Variants in DMD observed in about 807,000 individuals in gnomAD.
DMD encodes mutant dystrophin.
In DMD, 63 loss-of-function variants were observed where a neutral mutation model predicts 330.1. The observed-to-expected ratio is 0.19, with a 90% confidence interval of 0.16 to 0.24. The LOEUF is 0.24. Ranked by LOEUF, DMD falls within the 10% of genes least tolerant of loss-of-function variation. The pLI is 1.00. For missense variants in DMD, 3,344 were observed against 2,684.1 expected, an observed-to-expected ratio of 1.25 and a Z score of -5.43; for synonymous variants, 1,223 against 959.8, an observed-to-expected ratio of 1.27 and a Z score of -5.07.
intron 57 of DMD, among the ~76,000 whole-genome samples, chrX:31,494,498 G>C (rs951536465): frequency 3.6e-5 from 4 of 111,629 alleles, no homozygotes; most frequent in African/African-American, 1.3e-4. Context: ...TGAAATTCAC[G>C]AAAGGTTAAC....
Position 32,411,868 on chromosome X carries a change from G to T in DMD, c.4117C>A (p.Gln1373Lys). 8.3e-7 allele frequency: 1 copy of T among 1,210,005 alleles called. No individual in the cohort carries two copies. The highest frequency in any genetic ancestry group is 1.8e-5 in the South Asian group (1 of 56,931). ...KLLEQSIQSAQETEKSLHLIQ... is the reference protein window; with the variant it reads ...KLLEQSIQSAKETEKSLHLIQ... Reference sequence around the variant, plus strand: ...AAGTGTAAGGATTTTTCAGTCTCCTGGGCAGACTGGATGCTCTGTTCAAGC... The same window carrying T: ...AAGTGTAAGGATTTTTCAGTCTCCTTGGCAGACTGGATGCTCTGTTCAAGC... The change falls in exon 30 of 79, where the codon CAG becomes AAG. Residue 1373 changes from glutamine (Q) to lysine (K), a missense_variant. Transcript: ENST00000357033.
chrX:33,040,128 T>C (rs1240303219), intron 1 of DMD, among the ~76,000 whole-genome samples: 1 of 111,550 alleles, frequency 9.0e-6, no homozygotes, highest in Non-Finnish European at 1.9e-5. Context: ...TCTGCACTCA[T>C]TCTGGAATTC....
intron 2 of DMD, among the ~76,000 whole-genome samples, chrX:32,901,021 AAT>A (rs1454956218): frequency 9.0e-6 from 1 of 111,361 alleles, no homozygotes. Context: ...AAAAGATGAA[AAT>A]ATGTTTGGTA....
chrX:32,310,161 T>C lies in DMD; in HGVS notation c.6038A>G (p.Glu2013Gly), dbSNP rs764943244. ...AGGAGCATTGAGAAGTTGTTCCACTTCTAATAGGGCTTGTGAGACATGAGT... is the reference window on the plus strand; with the variant it reads ...AGGAGCATTGAGAAGTTGTTCCACTCCTAATAGGGCTTGTGAGACATGAGT... ...EITHVSQALL[E>G]VEQLLNAPDL... is the part of the protein sequence containing the mutation. Residue 2013 changes from glutamate to glycine, a missense_variant, in exon 42 of 79, where the codon GAA becomes GGA. Coordinates refer to ENST00000357033, the MANE Select transcript of DMD (RefSeq NM_004006.3). 2 of 1,209,245 alleles carry C rather than the reference T, an allele frequency of 1.7e-6. No individual in the cohort carries two copies. Among genetic ancestry groups the C allele is most frequent in the South Asian group, 3.5e-5 (2 of 56,972 alleles).
At chrX:32,731,010 T>G (rs1352676570) in intron 7 of DMD, among the ~76,000 whole-genome samples, 1 of 111,520 alleles carries the variant, frequency 9.0e-6, no homozygotes, top group Non-Finnish European at 1.9e-5. Flanking sequence ...CAGGTTCATC[T>G]CACTAGGGAG....
chrX:31,957,605 T>C (rs1356552539), intron 45 of DMD, among the ~76,000 whole-genome samples: 2 of 112,027 alleles, frequency 1.8e-5, no homozygotes, highest in Non-Finnish European at 3.8e-5. Flanking sequence ...AATATAGTAC[T>C]TTCATTTTAC....
chrX:31,869,092 T>C (rs1414694890), intron 48 of DMD, among the ~76,000 whole-genome samples: 3 of 111,866 alleles, frequency 2.7e-5, no homozygotes, highest in South Asian at 3.7e-4. Flanking sequence ...TTTCTAATTG[T>C]ACAGTACAGT....
intron 11 of DMD, among the ~76,000 whole-genome samples, chrX:32,615,931 G>A (rs2057527872): frequency 9.0e-6 from 1 of 111,056 alleles, no homozygotes; most frequent in South Asian, 3.7e-4. Context: ...ATCTCTCCAA[G>A]GATTCCATAT....
intron 2 of DMD, among the ~76,000 whole-genome samples, chrX:32,956,283 A>T (rs1212042701): frequency 8.9e-6 from 1 of 111,980 alleles, no homozygotes; most frequent in Non-Finnish European, 1.9e-5. Flanking sequence ...AATGATATTG[A>T]TTCTTCCTAT....
intron 2 of DMD, among the ~76,000 whole-genome samples, chrX:32,926,121 G>T (rs1461490565): frequency 8.9e-6 from 1 of 112,245 alleles, no homozygotes; most frequent in Non-Finnish European, 1.9e-5. Context: ...ATTCAGACAT[G>T]AAAGAAGAAA....
At chrX:31,611,690 G>A (rs2077927395) in intron 55 of DMD, among the ~76,000 whole-genome samples, 2 of 110,966 alleles carry the variant, frequency 1.8e-5, no homozygotes, top group East Asian at 5.7e-4. Flanking sequence ...CCTCCAGTGT[G>A]TCTGGGACTA....
chrX:32,118,855 A>C (rs1260200941), intron 44 of DMD, among the ~76,000 whole-genome samples: 2 of 110,721 alleles, frequency 1.8e-5, no homozygotes, highest in Non-Finnish European at 3.8e-5. Flanking sequence ...CAGGCATTAG[A>C]TTCTCATAAG....
chrX:32,431,524 G>C (rs1419534286), intron 29 of DMD, among the ~76,000 whole-genome samples: 1 of 110,378 alleles, frequency 9.1e-6, no homozygotes, highest in Non-Finnish European at 1.9e-5. Context: ...CCCCACCCCT[G>C]TATCTATTAC....
At chrX:31,430,622 T>C (rs145566131) in intron 60 of DMD, among the ~76,000 whole-genome samples, 354 of 110,167 alleles carry the variant, frequency 3.2e-3, no homozygotes, top group Non-Finnish European at 5.5e-3. Flanking sequence ...GCATGATCAA[T>C]GAAGGACCTA....
At chrX:33,080,998 ACACAC>A (rs1157940496) in intron 1 of DMD, among the ~76,000 whole-genome samples, 17 of 106,280 alleles carry the variant, frequency 1.6e-4, no homozygotes, top group Non-Finnish European at 3.3e-4. Context: ...ACACACACAC[ACACAC>A]ACACAAAAAC....
intron 1 of DMD, among the ~76,000 whole-genome samples, chrX:33,119,589 T>C (rs929158418): frequency 8.9e-6 from 1 of 112,077 alleles, no homozygotes; most frequent in African/African-American, 3.2e-5. Context: ...CAGGTCAGTA[T>C]GGCTGAAATG....
At chrX:32,794,706 G>A (rs138374692) in intron 7 of DMD, among the ~76,000 whole-genome samples, 74 of 112,248 alleles carry the variant, frequency 6.6e-4, no homozygotes, top group African/African-American at 2.1e-3. Context: ...AATACAAGGC[G>A]TCCTAATAGA....
chrX:33,041,284 A>G, intron 1 of DMD: 1 of 759,371 alleles, frequency 1.3e-6, no homozygotes, highest in South Asian at 2.3e-5. Flanking sequence ...GTGGCCGCGC[A>G]GCCTGCGCAT....
intron 44 of DMD, among the ~76,000 whole-genome samples, chrX:32,015,159 C>G (rs12014390): frequency 9.0e-6 from 1 of 111,142 alleles, no homozygotes; most frequent in East Asian, 2.8e-4. Flanking sequence ...GATCTGGGCC[C>G]GGAATAGCTC....
Sources: gnomAD v4.1 joint callset for allele counts (sites outside exome capture counted in the v4.1 genomes callset) on GRCh38, gnomAD v4.1.1 for gene constraint, MANE v1.5 for transcripts, NCBI Gene and HGNC (gene_info 2026-07-23, HGNC 2026-07-21) for gene names.